Variants in NPC1 observed in about 807,000 individuals in gnomAD.
The protein encoded by NPC1 is NPC intracellular cholesterol transporter 1.
A neutral mutation model predicts 140.4 loss-of-function variants in NPC1; 85 were observed. The observed-to-expected ratio is 0.61, with a 90% CI of 0.51 to 0.72. The LOEUF (loss-of-function observed/expected upper bound fraction) is 0.72, where lower values mean the gene tolerates loss of function less well. Ranked by LOEUF, NPC1 falls within the 30% of genes least tolerant of loss-of-function variation. NPC1 has a pLI of 0.00. For synonymous variants in NPC1, 656 were observed against 624.8 expected, an observed-to-expected ratio of 1.05 and a Z score of -0.74; for missense variants, 1,504 against 1,623.8, an observed-to-expected ratio of 0.93 and a Z score of 1.27.
downstream of NPC1, chr18:23,527,895 T>C (rs752654141): frequency 9.3e-6 from 15 of 1,613,354 alleles, no homozygotes; most frequent in Non-Finnish European, 9.3e-6. Flanking sequence ...AGCAGAGTTA[T>C]GCGATGGTGA....
At chr18:23,520,202 A>G, downstream of NPC1, 1 of 1,613,236 alleles carries the variant, frequency 6.2e-7, no homozygotes, top group Non-Finnish European at 8.5e-7. Context: ...TCCCCCCCAG[A>G]CATCGGTAAT....
intron 1 of NPC1, among the ~76,000 whole-genome samples, chr18:23,574,308 T>C (rs529697295): frequency 3.9e-4 from 60 of 152,140 alleles, no homozygotes; most frequent in Non-Finnish European, 3.8e-4. Context: ...CACCTGATCC[T>C]CTGCCTCACA....
At chr18:23,517,924 C>G (rs1036737654), downstream of NPC1, among the ~76,000 whole-genome samples, 4 of 152,112 alleles carry the variant, frequency 2.6e-5, no homozygotes, top group Non-Finnish European at 5.9e-5. Context: ...CACCATGTTG[C>G]CCAGGCTGGT....
chr18:23,557,287 C>T, intron 6 of NPC1, 97 bp from the exon 7 acceptor site: 1 of 858,040 alleles, frequency 1.2e-6, no homozygotes, highest in Admixed American at 2.0e-5. Flanking sequence ...CTTTCTTCCT[C>T]CTCCTGGCCT....
chr18:23,561,516 C>A lies in NPC1; in HGVS notation c.475G>T (p.Ala159Ser). The A allele has an allele frequency of 6.2e-7, 1 of 1,614,062 alleles. No homozygotes were observed. Among genetic ancestry groups the A allele is most frequent in the Admixed American group, 1.7e-5 (1 of 60,012 alleles). Residue 159 changes from alanine (A) to serine (S), a missense_variant, in exon 5 of 25, where the codon GCC (alanine) becomes TCC (serine). Coordinates refer to ENST00000269228, the MANE Select transcript of NPC1 (RefSeq NM_000271.5). ...GQSFANAMYNACRDVEAPSSN... is the reference protein window; with the variant it reads ...GQSFANAMYNSCRDVEAPSSN... The stretch of plus-strand genomic sequence containing the variant: ...GAGGGGGCCTCCACATCCCGGCAGG[C>A]ATTGTACATTGCTAGAAGAGGAAAC...
intron 1 of NPC1, among the ~76,000 whole-genome samples, chr18:23,580,805 G>A (rs1255839255): frequency 1.3e-5 from 2 of 152,236 alleles, no homozygotes; most frequent in South Asian, 2.1e-4. Context: ...CAGAGATTAA[G>A]CTGCCTGCTG....
chr18:23,556,326 T>C lies in NPC1; in HGVS notation c.1243A>G (p.Thr415Ala). The change falls in exon 8 of 25, where the codon ACT becomes GCT. Residue 415 changes from threonine to alanine, a missense_variant. By Grantham distance (58) the Thr-to-Ala change is moderately conservative. Coordinates refer to ENST00000269228, the MANE Select transcript of NPC1 (RefSeq NM_000271.5). Reference protein sequence around the residue: ...TEQLIIRAPLTDKHIYQPYPS... With the variant: ...TEQLIIRAPLADKHIYQPYPS... ...TATGGCTGGTAAATGTGTTTGTCAG[T>C]GAGAGGGGCCCGGATGATGAGCTGC... 1 of 1,613,904 alleles carries C rather than the reference T, an allele frequency of 6.2e-7. No individual in the cohort carries two copies. Among genetic ancestry groups the C allele is most frequent in the Non-Finnish European group, 8.5e-7 (1 of 1,179,956 alleles).
At position 23,540,071 on chromosome 18, in the gene NPC1, T is replaced by C. The variant is rs7239575; in HGVS notation, c.2605-70A>G. ...TAGTAACTAAGCAAGGCGAGGATCA[T>C]GGAGAATAAGAGGGTGCCAGGAGGT... On this transcript the variant is annotated intron_variant, in intron 17 of 24. Transcript: ENST00000269228. 0.5 allele frequency: 690,854 copies of C among 1,370,886 alleles called. 178,789 individuals are homozygous for C. Among genetic ancestry groups the C allele is most frequent in the African/African-American group, 0.7 (49,254 of 70,148 alleles). The allele number at this position is 1,370,886 out of a possible 1,614,324, so 84.9% of individuals were successfully genotyped here.
Position 23,512,450 on chromosome 18 carries a change from G to A in NPC1, c.432-5808C>T, listed in dbSNP as rs537242134. 1.1e-4 allele frequency among the ~76,000 whole-genome samples: 16 copies of A among 151,626 alleles called. No homozygotes were observed. In the East Asian group the frequency reaches 3.1e-3, roughly 30 times the overall value. On this transcript the variant is annotated intron_variant, in intron 3 of 3. Coordinates refer to the NPC1 transcript ENST00000591107. Reference sequence around the variant, plus strand: ...TTTTGTAATAATTATTTTGAGACAGGATCTCTGTCACCCAGGCTGGAGTAC... The same window carrying A: ...TTTTGTAATAATTATTTTGAGACAGAATCTCTGTCACCCAGGCTGGAGTAC...
At chr18:23,527,223 CAAAA>C (rs386387173), downstream of NPC1, among the ~76,000 whole-genome samples, 19 of 43,668 alleles carry the variant, frequency 4.4e-4, no homozygotes, top group South Asian at 1.0e-3. Context: ...CCTGTCTCTA[CAAAA>C]AAAAAAAAAA....
chr18:23,554,710 G>A (rs780475194), intron 9 of NPC1, 48 bp downstream of exon 9: 6 of 1,487,138 alleles, frequency 4.0e-6, no homozygotes, highest in South Asian at 1.2e-5. Flanking sequence ...TGTACCCTAA[G>A]TCAGACCCAA....
At chr18:23,529,012 T>G, downstream of NPC1, 6 of 1,104,312 alleles carry the variant, frequency 5.4e-6, no homozygotes, top group Non-Finnish European at 6.2e-6. Flanking sequence ...CCTGAGTAGC[T>G]GGGATTACAG....
chr18:23,525,328 G>T (rs1324371885), downstream of NPC1, among the ~76,000 whole-genome samples: 1 of 152,060 alleles, frequency 6.6e-6, no homozygotes, highest in Non-Finnish European at 1.5e-5. Context: ...GCTTACTGCA[G>T]CCTTGAGCTC....
chr18:23,557,824 T>C (rs2058977212), intron 6 of NPC1, among the ~76,000 whole-genome samples: 1 of 152,184 alleles, frequency 6.6e-6, no homozygotes, highest in Admixed American at 6.5e-5. Context: ...CGTTTCTACA[T>C]ACCATTCTCC....
In NPC1 at chr18:23,535,448, T is replaced by A. The variant is rs373365816; in HGVS notation, c.3477+21A>T. The A allele has an allele frequency of 1.4e-5, 21 of 1,550,090 alleles. No homozygotes were observed. The African/African-American group carries it at 2.2e-4, about 16-fold the overall frequency. ...AGTGAAACAGGAGCTAGGGACAAAC[T>A]GAGACTGTATGAGGACTCACCATCA... On this transcript the variant is annotated intron_variant, in intron 22 of 24. Transcript: ENST00000269228.
chr18:23,543,360 A>AT, intron 14 of NPC1, 95 bp downstream of exon 14: 2 of 731,236 alleles, frequency 2.7e-6, no homozygotes, highest in Non-Finnish European at 4.8e-6. Context: ...AAAAAAAAAA[A>AT]GGAAGCAACA....
At position 23,573,552 on chromosome 18, in the gene NPC1, C is replaced by A; in HGVS notation, c.80G>T (p.Trp27Leu). The A allele has an allele frequency of 6.2e-7, 1 of 1,614,112 alleles. No individual in the cohort carries two copies. The highest frequency in any genetic ancestry group is 8.5e-7 in the Non-Finnish European group (1 of 1,180,006). ...ATATGCAATTCCACACTCTCCATAC[C>A]AAACACAGGACTGTGAAAACACCTA... Reference protein sequence around the residue: ...PAQVFSQSCVWYGECGIAYGD... With the variant: ...PAQVFSQSCVLYGECGIAYGD... The change falls in exon 2 of 25, where the codon TGG (tryptophan) becomes TTG (leucine). Residue 27 changes from tryptophan to leucine, a missense_variant. Transcript: ENST00000269228.
chr18:23,533,299 T>A lies in NPC1; in HGVS notation c.3754+56A>T, dbSNP rs903150875. ...TTGAAAAGAATGCCTCAGGATAGAA[T>A]TCCCTTTCAGTAATGTCCTTCTATT... is the stretch of plus-strand genomic sequence containing the variant. On this transcript the variant is annotated intron_variant, in intron 24 of 24. Transcript: ENST00000269228. 7 of 1,500,250 alleles carry A rather than the reference T, an allele frequency of 4.7e-6. No homozygotes were observed. In the Admixed American group the frequency reaches 5.0e-5, roughly 11 times the overall value. 92.9% of individuals were successfully genotyped at this position (1,500,250 alleles called of 1,614,324 possible).
At chr18:23,538,809 C>T (rs901887403) in intron 19 of NPC1, 138 bp from the exon 20 acceptor site, 4 of 894,430 alleles carry the variant, frequency 4.5e-6, no homozygotes, top group Non-Finnish European at 7.1e-6. Flanking sequence ...GATAATCTTT[C>T]CCCTTATCTA....
Sources: allele counts gnomAD v4.1 joint callset (sites outside exome capture counted in the v4.1 genomes callset), GRCh38; gene constraint gnomAD v4.1.1; transcripts MANE v1.5; gene names NCBI Gene and HGNC (gene_info 2026-07-23, HGNC 2026-07-21).